Variants in ELMO1 observed in about 807,000 individuals in gnomAD.
ELMO1 encodes engulfment and cell motility 1.
ELMO1 carries 26 observed loss-of-function variants against 98.9 expected under a neutral mutation model. The observed-to-expected ratio is 0.26, with a 90% confidence interval of 0.19 to 0.36. The LOEUF (loss-of-function observed/expected upper bound fraction) is 0.36. Ranked by LOEUF, ELMO1 falls within the 10% of genes least tolerant of loss-of-function variation. The pLI is 1.00. For missense variants in ELMO1, 627 were observed against 935.2 expected, an observed-to-expected ratio of 0.67 and a Z score of 4.30; for synonymous variants, 346 against 346.0, an observed-to-expected ratio of 1.00 and a Z score of 0.00.
intron 16 of ELMO1, among the ~76,000 whole-genome samples, chr7:36,975,744 G>A (rs1790475688): frequency 6.6e-6 from 1 of 151,292 alleles, no homozygotes; most frequent in African/African-American, 2.4e-5. Flanking sequence ...CTACTTGGGA[G>A]GCTAAGGCAG....
chr7:37,314,482 T>TTTA (rs765881397), intron 4 of ELMO1, among the ~76,000 whole-genome samples: 2 of 149,634 alleles, frequency 1.3e-5, no homozygotes, highest in Non-Finnish European at 3.0e-5. Context: ...CTTGTCATTA[T>TTTA]TTCACGTACT....
intron 15 of ELMO1, among the ~76,000 whole-genome samples, chr7:37,031,161 C>T (rs1057470733): frequency 1.3e-5 from 2 of 152,118 alleles, no homozygotes; most frequent in South Asian, 2.1e-4. Flanking sequence ...CTCCCAGTCT[C>T]GGGACAGATC....
intron 15 of ELMO1, among the ~76,000 whole-genome samples, chr7:37,093,062 A>T (rs888630429): frequency 9.2e-5 from 14 of 152,110 alleles, no homozygotes; most frequent in Non-Finnish European, 2.9e-5. Flanking sequence ...CCTTCAACTG[A>T]ATAACCTTGA....
intron 16 of ELMO1, among the ~76,000 whole-genome samples, chr7:36,928,705 TA>T (rs1785779897): frequency 6.6e-6 from 1 of 152,148 alleles, no homozygotes; most frequent in African/African-American, 2.4e-5. Flanking sequence ...CTGTAACTAT[TA>T]CCTATGGTCT....
intron 14 of ELMO1, among the ~76,000 whole-genome samples, chr7:37,119,615 T>C (rs1288762840): frequency 6.6e-6 from 1 of 152,188 alleles, no homozygotes; most frequent in Non-Finnish European, 1.5e-5. Flanking sequence ...TTTAAAAAAG[T>C]GGCTATAATG....
chr7:37,021,045 G>A (rs547732261), intron 15 of ELMO1, among the ~76,000 whole-genome samples: 68 of 152,126 alleles, frequency 4.5e-4, no homozygotes, highest in Non-Finnish European at 7.5e-4. Flanking sequence ...TAATCTTACC[G>A]TACTTAGAAA....
intron 15 of ELMO1, among the ~76,000 whole-genome samples, chr7:37,049,151 G>C (rs904260472): frequency 7.9e-5 from 12 of 152,110 alleles, no homozygotes; most frequent in African/African-American, 2.9e-4. Flanking sequence ...TCTTGTTAAG[G>C]GATAAACATT....
Position 37,098,938 on chromosome 7 carries a change from T to C in ELMO1, c.1192-2211A>G, listed in dbSNP as rs75435108. ...CTTCCAGCGAGCACATTCCCTTGTA[T>C]TTCACATTAACATTCTATTAACATT... On this transcript the variant is annotated intron_variant, in intron 14 of 21. Coordinates refer to ENST00000310758, the MANE Select transcript of ELMO1 (RefSeq NM_014800.11). 2.6e-5 allele frequency among the ~76,000 whole-genome samples: 4 copies of C among 152,356 alleles called. No individual in the cohort carries two copies. The East Asian group carries it at 7.7e-4, about 29-fold the overall frequency.
chr7:36,853,115 G>A lies in ELMO1; in HGVS notation c.*2436C>T, dbSNP rs559338577. Among the ~76,000 whole-genome samples, 1 of 152,256 alleles carries A rather than the reference G, an allele frequency of 6.6e-6. No individual in the cohort carries two copies. Among genetic ancestry groups the A allele is most frequent in the African/African-American group, 2.4e-5 (1 of 41,538 alleles). Reference sequence around the variant, plus strand: ...GCCTTGGGCAGCCTGGAGAGAGAAGGTGAGGTGGCCAAATATGGGCAACAA... The same window carrying A: ...GCCTTGGGCAGCCTGGAGAGAGAAGATGAGGTGGCCAAATATGGGCAACAA... On this transcript the variant is annotated 3_prime_UTR_variant, in exon 22 of 22. Transcript: ENST00000310758.
intron 2 of ELMO1, among the ~76,000 whole-genome samples, chr7:37,338,955 G>A (rs565666590): frequency 2.6e-5 from 4 of 152,308 alleles, no homozygotes; most frequent in African/African-American, 7.2e-5. Flanking sequence ...TCCATCATGG[G>A]CAGACGTCCC....
At chr7:37,198,779 A>G (rs1001410159) in intron 13 of ELMO1, among the ~76,000 whole-genome samples, 3 of 152,342 alleles carry the variant, frequency 2.0e-5, no homozygotes, top group Middle Eastern at 3.4e-3. Context: ...TGCACAATAC[A>G]CTCAGGGACG....
intron 1 of ELMO1, among the ~76,000 whole-genome samples, chr7:37,413,219 T>C (rs192794090): frequency 6.6e-6 from 1 of 152,166 alleles, no homozygotes; most frequent in African/African-American, 2.4e-5. Flanking sequence ...CTCCCTCTTC[T>C]CCCTTCCCCT....
At chr7:37,355,335 G>A (rs1409200026) in intron 1 of ELMO1, among the ~76,000 whole-genome samples, 1 of 152,192 alleles carries the variant, frequency 6.6e-6, no homozygotes, top group Non-Finnish European at 1.5e-5. Context: ...CCTGACCTGG[G>A]ATTATCATTT....
At chr7:37,082,432 G>A (rs534227982) in intron 15 of ELMO1, among the ~76,000 whole-genome samples, 10 of 152,210 alleles carry the variant, frequency 6.6e-5, no homozygotes, top group South Asian at 6.2e-4. Context: ...AGCCAGGTAC[G>A]GTGGCTCATG....
rs546092379 is a variant in ELMO1, at chr7:36,861,842, C to T, written c.1906-106G>A. 2.3e-5 allele frequency: 24 copies of T among 1,044,964 alleles called. No individual in the cohort carries two copies. The African/African-American group carries it at 3.1e-4, about 14-fold the overall frequency. 64.7% of individuals were successfully genotyped at this position (1,044,964 alleles called of 1,614,324 possible). On this transcript the variant is annotated intron_variant, in intron 20 of 21. Coordinates refer to ENST00000310758, the MANE Select transcript of ELMO1 (RefSeq NM_014800.11). ...CATGGCATAGGGCCAGCTTGTCTAG[C>T]CAAGCGGAGCTGCAATGAGGCTGAT...
intron 14 of ELMO1, among the ~76,000 whole-genome samples, chr7:37,110,006 C>T (rs1053241097): frequency 2.4e-4 from 37 of 152,284 alleles, no homozygotes; most frequent in African/African-American, 8.4e-4. Context: ...CAACCTTGAC[C>T]GCCTCCAGAT....
Position 36,951,214 on chromosome 7 carries a change from T to C in ELMO1, c.1438-56197A>G, listed in dbSNP as rs569446416. On this transcript the variant is annotated intron_variant, in intron 16 of 21. Coordinates refer to ENST00000310758, the MANE Select transcript of ELMO1 (RefSeq NM_014800.11). ...CTGGACTCAGCAATAGAGATCATCT[T>C]AAAAGGGAGTCCAGATCAGTGCAAG... Among the ~76,000 whole-genome samples, 27 of 152,232 alleles carry C rather than the reference T, an allele frequency of 1.8e-4. No homozygotes were observed. In the South Asian group the frequency reaches 5.6e-3, roughly 32 times the overall value.
At chr7:37,345,546 C>T (rs541526397) in intron 1 of ELMO1, among the ~76,000 whole-genome samples, 26 of 152,226 alleles carry the variant, frequency 1.7e-4, no homozygotes, top group African/African-American at 6.0e-4. Flanking sequence ...CTCATCTCTA[C>T]TAAAAAATAC....
Position 37,033,433 on chromosome 7 carries a change from TATC to T in ELMO1, c.1301-20001_1301-19999del, listed in dbSNP as rs772183904. The T allele has an allele frequency of 6.6e-6, 3 of 455,988 alleles. 1 individual carries two copies. The highest frequency in any genetic ancestry group is 4.6e-5 in the South Asian group (3 of 64,526). The allele number at this position is 455,988 out of a possible 1,614,324, so 28.2% of individuals were successfully genotyped here. A position where few individuals can be genotyped will look rare whatever the true frequency, so the allele number is the denominator to read the frequency against. ...GTGATCTATGAAAACAAAGCTTTAT[TATC>T]ATAAATGTTGAGCGAAAATGAAGCA... On this transcript the variant is annotated intron_variant, in intron 15 of 21. Transcript: ENST00000310758.
Sources: gnomAD v4.1 joint callset for allele counts (sites outside exome capture counted in the v4.1 genomes callset) on GRCh38, gnomAD v4.1.1 for gene constraint, MANE v1.5 for transcripts, NCBI Gene and HGNC (gene_info 2026-07-23, HGNC 2026-07-21) for gene names.